The following AGBL4 variants were observed in gnomAD, a reference collection of about 807,000 sequenced individuals.
AGBL4 encodes the protein AGBL carboxypeptidase 4, also known as cytosolic carboxypeptidase 6.
In AGBL4, 58 loss-of-function variants were observed where a neutral mutation model predicts 66.4. The observed-to-expected ratio is 0.87, with a 90% CI of 0.71 to 1.09. The LOEUF (loss-of-function observed/expected upper bound fraction) is 1.09. AGBL4 is among the 50% of genes least tolerant of loss of function. The pLI, the probability that AGBL4 is intolerant of heterozygous loss-of-function variation, is 0.00. For missense variants in AGBL4, 579 were observed against 631.0 expected (o/e 0.92, Z 0.88); for synonymous variants, 234 against 222.9 (o/e 1.05, Z -0.44).
intron 6 of AGBL4, among the ~76,000 whole-genome samples, chr1:48,734,721 C>T (rs894383370): frequency 6.6e-6 from 1 of 152,216 alleles, no homozygotes; most frequent in African/African-American, 2.4e-5. Context: ...TCAAATGTCA[C>T]CTCCTCAAAC....
chr1:49,082,176 C>T (rs191752293), intron 4 of AGBL4, among the ~76,000 whole-genome samples: 1 of 152,202 alleles, frequency 6.6e-6, no homozygotes, highest in African/African-American at 2.4e-5. Flanking sequence ...TTATAAACTG[C>T]TGGGGTAGAT....
intron 6 of AGBL4, among the ~76,000 whole-genome samples, chr1:48,840,164 A>G (rs1646766132): frequency 6.6e-6 from 1 of 152,132 alleles, no homozygotes; most frequent in South Asian, 2.1e-4. Context: ...TCATGTTTTC[A>G]CTGGGATATT....
chr1:49,921,920 CCTCA>C (rs992568219), intron 1 of AGBL4, among the ~76,000 whole-genome samples: 4 of 152,130 alleles, frequency 2.6e-5, no homozygotes, highest in Non-Finnish European at 5.9e-5. Context: ...CTGGCAACAC[CCTCA>C]CTAATACAAC....
chr1:49,154,392 C>T (rs1025148770), intron 4 of AGBL4, among the ~76,000 whole-genome samples: 1 of 151,340 alleles, frequency 6.6e-6, no homozygotes, highest in Non-Finnish European at 1.5e-5. Context: ...TAAATAATAG[C>T]TATTGCTATT....
chr1:48,660,432 C>T (rs1250657211), intron 7 of AGBL4, among the ~76,000 whole-genome samples: 1 of 152,208 alleles, frequency 6.6e-6, no homozygotes, highest in Non-Finnish European at 1.5e-5. Flanking sequence ...TCTGTCCACA[C>T]CTTGGACCTG....
intron 6 of AGBL4, among the ~76,000 whole-genome samples, chr1:48,698,383 A>G (rs1646748193): frequency 6.6e-6 from 1 of 152,220 alleles, no homozygotes; most frequent in Non-Finnish European, 1.5e-5. Context: ...CCAATAGCTC[A>G]GAGCCTTCAA....
intron 1 of AGBL4, among the ~76,000 whole-genome samples, chr1:49,997,201 C>A (rs542150052): frequency 6.6e-6 from 1 of 152,236 alleles, no homozygotes; most frequent in Non-Finnish European, 1.5e-5. Context: ...AAGCACCTCA[C>A]ATCTCAATAC....
intron 3 of AGBL4, among the ~76,000 whole-genome samples, chr1:49,483,845 C>A (rs1035086431): frequency 4.6e-5 from 7 of 151,610 alleles, no homozygotes; most frequent in African/African-American, 1.5e-4. Flanking sequence ...TATTTGCAAA[C>A]TATGCATCTG....
intron 5 of AGBL4, among the ~76,000 whole-genome samples, chr1:48,989,255 G>T (rs1167287172): frequency 1.3e-5 from 2 of 151,944 alleles, no homozygotes; most frequent in Non-Finnish European, 2.9e-5. Context: ...GTACATAGTA[G>T]GTATATATAT....
At chr1:48,631,635 C>G (rs1428390905) in intron 9 of AGBL4, among the ~76,000 whole-genome samples, 1 of 152,166 alleles carries the variant, frequency 6.6e-6, no homozygotes, top group Non-Finnish European at 1.5e-5. Flanking sequence ...TTCAGGTGGT[C>G]CGCCTGCCTC....
chr1:48,856,310 T>C (rs1472491582), intron 6 of AGBL4, among the ~76,000 whole-genome samples: 1 of 152,204 alleles, frequency 6.6e-6, no homozygotes, highest in African/African-American at 2.4e-5. Flanking sequence ...CTTACTGTGA[T>C]TGCAATTATG....
At chr1:48,997,076 C>T (rs1661073450) in intron 5 of AGBL4, among the ~76,000 whole-genome samples, 1 of 152,072 alleles carries the variant, frequency 6.6e-6, no homozygotes, top group Non-Finnish European at 1.5e-5. Context: ...GTGCCCGCCA[C>T]CACGCCCAGC....
At chr1:49,829,836 C>T (rs901352806) in intron 2 of AGBL4, among the ~76,000 whole-genome samples, 59 of 152,242 alleles carry the variant, frequency 3.9e-4, no homozygotes, top group African/African-American at 1.3e-3. Flanking sequence ...TCTCATTGTT[C>T]AACTCCCACT....
At chr1:49,620,449 A>T (rs1172727195) in intron 3 of AGBL4, among the ~76,000 whole-genome samples, 4 of 152,202 alleles carry the variant, frequency 2.6e-5, no homozygotes, top group African/African-American at 9.6e-5. Flanking sequence ...AATGGTGATC[A>T]TTAAAAAGTC....
intron 2 of AGBL4, among the ~76,000 whole-genome samples, chr1:49,780,445 TATA>T: frequency 6.6e-6 from 1 of 152,214 alleles, no homozygotes; most frequent in Non-Finnish European, 1.5e-5. Context: ...ATAAGATTCA[TATA>T]ATAAACTCTA....
chr1:49,564,786 G>C (rs1160355652), intron 3 of AGBL4, among the ~76,000 whole-genome samples: 2 of 152,222 alleles, frequency 1.3e-5, no homozygotes, highest in African/African-American at 4.8e-5. Flanking sequence ...ATATTCTGTT[G>C]ATTTGGGGTG....
At chr1:48,806,651 G>T (rs940429466) in intron 6 of AGBL4, among the ~76,000 whole-genome samples, 1 of 152,188 alleles carries the variant, frequency 6.6e-6, no homozygotes, top group African/African-American at 2.4e-5. Context: ...ACTCTTGAGG[G>T]ATTAGCCTGG....
At chr1:49,258,531 C>T (rs1412897265) in intron 3 of AGBL4, among the ~76,000 whole-genome samples, 2 of 151,874 alleles carry the variant, frequency 1.3e-5, no homozygotes, top group African/African-American at 2.4e-5. Context: ...GGAGCCGATG[C>T]GATCAACTGG....
intron 3 of AGBL4, among the ~76,000 whole-genome samples, chr1:49,506,933 C>A (rs1362895291): frequency 6.6e-6 from 1 of 151,968 alleles, no homozygotes; most frequent in African/African-American, 2.4e-5. Flanking sequence ...ATGAACCATA[C>A]CTCCCCATAT....
Sources: allele counts gnomAD v4.1 joint callset (sites outside exome capture counted in the v4.1 genomes callset), GRCh38; gene constraint gnomAD v4.1.1; transcripts MANE v1.5; gene names NCBI Gene and HGNC (gene_info 2026-07-23, HGNC 2026-07-21).